Variants in MMP26 observed in about 807,000 individuals in gnomAD.
MMP26 encodes matrix metalloproteinase-26.
In MMP26, 33 loss-of-function variants were observed where a neutral mutation model predicts 31.0. The observed-to-expected ratio is 1.06, with a 90% CI of 0.81 to 1.42. The LOEUF is 1.42. Among genes scored for constraint, MMP26 ranks in the 40% most tolerant of loss-of-function variants. MMP26 has a pLI of 0.00. For missense variants in MMP26, 347 were observed against 316.1 expected (o/e 1.10, Z -0.74); for synonymous variants, 122 against 114.9 (o/e 1.06, Z -0.40).
At chr11:4,852,892 C>T (rs1278999059) in intron 2 of MMP26, among the ~76,000 whole-genome samples, 3 of 152,136 alleles carry the variant, frequency 2.0e-5, no homozygotes, top group Non-Finnish European at 4.4e-5. Context: ...AACAACCTGT[C>T]ATTTGCAACA....
rs777163927 is a variant in MMP26, at chr11:4,821,643, C to A, written c.-145+54302C>A. On this transcript the variant is annotated intron_variant, in intron 2 of 7. Transcript: ENST00000380390. Reference sequence around the variant, plus strand: ...CTATGCTTTCAGCCACAGACCTGAGCTTGTCCCTGTGTACACTTTCTACTA... The same window carrying A: ...CTATGCTTTCAGCCACAGACCTGAGATTGTCCCTGTGTACACTTTCTACTA... 26 of 1,613,952 alleles carry A rather than the reference C, an allele frequency of 1.6e-5. No individual in the cohort carries two copies. Among genetic ancestry groups the A allele is most frequent in the African/African-American group, 4.0e-5 (3 of 74,904 alleles).
chr11:4,845,550 C>A (rs1849855368), intron 2 of MMP26, among the ~76,000 whole-genome samples: 1 of 152,014 alleles, frequency 6.6e-6, no homozygotes, highest in Non-Finnish European at 1.5e-5. Flanking sequence ...ATTTCTTGAG[C>A]AATATCCCAC....
chr11:4,708,354 C>A lies in MMP26; in HGVS notation c.-217+3309C>A, dbSNP rs369755867. On this transcript the variant is annotated intron_variant, in intron 1 of 7. Transcript: ENST00000380390. ...TTCTTCTCAAATACCTAGAGAAATG[C>A]CCTCTTGAACACACTTCCTGTAACC... Among the ~76,000 whole-genome samples, 22 of 152,270 alleles carry A rather than the reference C, an allele frequency of 1.4e-4. 1 individual carries two copies. Among genetic ancestry groups the A allele is most frequent in the East Asian group, 1.2e-3 (6 of 5,176 alleles).
At chr11:4,923,574 G>A in intron 2 of MMP26, 1 of 1,614,084 alleles carries the variant, frequency 6.2e-7, no homozygotes, top group Admixed American at 1.7e-5. Flanking sequence ...CCAATCATGG[G>A]GATGTAGAAG....
At chr11:4,914,658 T>G (rs1247823150) in intron 2 of MMP26, 1 of 1,120,182 alleles carries the variant, frequency 8.9e-7, no homozygotes, top group Non-Finnish European at 1.3e-6. Context: ...TGTTAGAAAT[T>G]ATAAAGGATA....
chr11:4,821,595 TA>T, intron 2 of MMP26: 1 of 1,613,892 alleles, frequency 6.2e-7, no homozygotes, highest in Non-Finnish European at 8.5e-7. Flanking sequence ...GGAGCCTCCA[TA>T]AGCCTATGTA....
At chr11:4,806,866 T>G (rs1849277526) in intron 2 of MMP26, among the ~76,000 whole-genome samples, 1 of 152,158 alleles carries the variant, frequency 6.6e-6, no homozygotes, top group Admixed American at 6.5e-5. Flanking sequence ...TCCCAGACTT[T>G]CCAAGCTGTT....
intron 2 of MMP26, among the ~76,000 whole-genome samples, chr11:4,984,989 C>G (rs1846865704): frequency 6.6e-6 from 1 of 151,968 alleles, no homozygotes; most frequent in Non-Finnish European, 1.5e-5. Flanking sequence ...TTCAAAACTA[C>G]TATAGATTTT....
chr11:4,779,882 C>T (rs1028855064), intron 2 of MMP26, among the ~76,000 whole-genome samples: 3 of 152,124 alleles, frequency 2.0e-5, no homozygotes, highest in Non-Finnish European at 4.4e-5. Context: ...AACCAGCCTC[C>T]TTACTGAAGC....
At chr11:4,842,540 T>C (rs911379639) in intron 2 of MMP26, among the ~76,000 whole-genome samples, 3 of 152,144 alleles carry the variant, frequency 2.0e-5, no homozygotes, top group African/African-American at 7.2e-5. Context: ...CACTTTTAAA[T>C]CATCAGATAA....
intron 2 of MMP26, chr11:4,821,652 G>A: frequency 1.2e-6 from 2 of 1,614,038 alleles, no homozygotes; most frequent in Non-Finnish European, 1.7e-6. Flanking sequence ...GCTTGTCCCT[G>A]TGTACACTTT....
At chr11:4,927,870 A>G (rs1290592669) in intron 2 of MMP26, among the ~76,000 whole-genome samples, 27 of 152,120 alleles carry the variant, frequency 1.8e-4, no homozygotes, top group Non-Finnish European at 1.5e-5. Flanking sequence ...GAGTAATGAG[A>G]TTAAAAAATC....
chr11:4,843,609 A>T (rs1176668490), intron 2 of MMP26, among the ~76,000 whole-genome samples: 1 of 152,020 alleles, frequency 6.6e-6, no homozygotes, highest in Non-Finnish European at 1.5e-5. Context: ...TCACAAAACC[A>T]CTTCTCCCTC....
At chr11:4,918,196 C>A (rs752115067) in intron 2 of MMP26, among the ~76,000 whole-genome samples, 6 of 152,108 alleles carry the variant, frequency 3.9e-5, no homozygotes, top group South Asian at 2.1e-4. Context: ...AGTGCCGGAG[C>A]TGGAATTCAA....
At chr11:4,829,308 C>T (rs1564789732) in intron 2 of MMP26, among the ~76,000 whole-genome samples, 1 of 152,152 alleles carries the variant, frequency 6.6e-6, no homozygotes, top group African/African-American at 2.4e-5. Context: ...CCTGTCCTAA[C>T]TGATTACTAC....
Position 4,915,545 on chromosome 11 carries a change from T to C in MMP26, c.-144-72523T>C, listed in dbSNP as rs143041657. On this transcript the variant is annotated intron_variant, in intron 2 of 7. Coordinates refer to ENST00000380390, the MANE Select transcript of MMP26 (RefSeq NM_021801.5). ...GCAGTTGCCCGGGATGGAAACCAGA[T>C]ACATGAAGCACAGTGGGATGGAGAT... The C allele has an allele frequency of 7.1e-4, 1,138 of 1,614,038 alleles. No homozygotes were observed. Among genetic ancestry groups the C allele is most frequent in the Admixed American group, 8.7e-4 (52 of 60,006 alleles).
chr11:4,746,984 A>G (rs1377892380), intron 1 of MMP26, among the ~76,000 whole-genome samples: 1 of 152,168 alleles, frequency 6.6e-6, no homozygotes, highest in African/African-American at 2.4e-5. Context: ...CCTTATTTGT[A>G]AAAAATGAAT....
intron 2 of MMP26, among the ~76,000 whole-genome samples, chr11:4,970,128 A>G (rs912456759): frequency 2.6e-5 from 4 of 152,214 alleles, no homozygotes; most frequent in African/African-American, 9.6e-5. Flanking sequence ...ATGAGTTAGT[A>G]AAGCATAGTA....
chr11:4,832,580 T>C (rs1429798913), intron 2 of MMP26: 1 of 153,428 alleles, frequency 6.5e-6, no homozygotes, highest in African/African-American at 2.4e-5. Context: ...TGGACTGGCT[T>C]TTGCCATTAA....
Sources: allele counts gnomAD v4.1 joint callset (sites outside exome capture counted in the v4.1 genomes callset), GRCh38; gene constraint gnomAD v4.1.1; transcripts MANE v1.5; gene names NCBI Gene and HGNC (gene_info 2026-07-23, HGNC 2026-07-21).